The following FMR1NB variants were observed in gnomAD, a reference collection of about 807,000 sequenced individuals.
The protein encoded by FMR1NB is FMR1 neighbor.
In FMR1NB, 10 loss-of-function variants were observed where a neutral mutation model predicts 16.8. The ratio of observed to expected loss-of-function variants is 0.60; its 90% CI spans 0.37 to 1.01. FMR1NB has a LOEUF of 1.01. FMR1NB is among the 50% of genes least tolerant of loss of function. FMR1NB has a pLI of 0.01. For missense variants in FMR1NB, 205 were observed against 204.8 expected (o/e 1.00, Z 0.00); for synonymous variants, 83 against 79.1 (o/e 1.05, Z -0.26).
chrX:148,025,115 C>A, intron 5 of FMR1NB, 102 bp downstream of exon 5: 1 of 929,962 alleles, frequency 1.1e-6, no homozygotes, highest in Non-Finnish European at 1.5e-6. Context: ...TTTTTTTTAA[C>A]CACACAAATG....
chrX:148,013,778 A>C lies in FMR1NB; in HGVS notation c.632+5067A>C, dbSNP rs781876001. On this transcript the variant is annotated intron_variant, in intron 4 of 5. Transcript: ENST00000370467. Reference sequence around the variant, plus strand: ...GATGTTTTATCAGCACCTCAAATGCAATATGTGAAAAAGTGAACTCATTTT... The same window carrying C: ...GATGTTTTATCAGCACCTCAAATGCCATATGTGAAAAAGTGAACTCATTTT... Among the ~76,000 whole-genome samples, 252 of 111,847 alleles carry C rather than the reference A, an allele frequency of 2.3e-3. 4 individuals carry two copies. Among genetic ancestry groups the C allele is most frequent in the African/African-American group, 6.6e-3 (202 of 30,801 alleles).
chrX:147,989,522 C>T (rs975737810), intron 1 of FMR1NB, among the ~76,000 whole-genome samples: 1 of 112,041 alleles, frequency 8.9e-6, no homozygotes, highest in Non-Finnish European at 1.9e-5. Flanking sequence ...TAGCAGAGCT[C>T]GAGTGCTGTG....
intron 1 of FMR1NB, among the ~76,000 whole-genome samples, chrX:147,999,533 CT>C (rs5904216): frequency 3.3e-4 from 35 of 104,615 alleles, no homozygotes; most frequent in Non-Finnish European, 3.7e-4. Context: ...TACTTCTAGT[CT>C]TTTTTTTTTT....
intron 1 of FMR1NB, among the ~76,000 whole-genome samples, chrX:147,990,049 A>C (rs2044496473): frequency 9.1e-6 from 1 of 109,797 alleles, no homozygotes; most frequent in Admixed American, 9.7e-5. Flanking sequence ...GAAAAAAAAA[A>C]AAAAAACAAA....
chrX:147,992,259 C>G (rs1424574962), intron 1 of FMR1NB, among the ~76,000 whole-genome samples: 1 of 95,123 alleles, frequency 1.1e-5, no homozygotes, highest in Non-Finnish European at 2.1e-5. Flanking sequence ...CCCTCACCTC[C>G]CGGACGGGGC....
At chrX:147,993,271 C>T (rs1003594570) in intron 1 of FMR1NB, among the ~76,000 whole-genome samples, 28 of 112,258 alleles carry the variant, frequency 2.5e-4, no homozygotes, top group African/African-American at 7.7e-4. Flanking sequence ...TCAGGCGTGG[C>T]GGCGCGTGCC....
intron 1 of FMR1NB, among the ~76,000 whole-genome samples, chrX:147,996,560 A>G (rs1419874103): frequency 9.2e-6 from 1 of 108,914 alleles, no homozygotes; most frequent in African/African-American, 3.3e-5. Context: ...TCAGTTTCTC[A>G]TCTATTAGAC....
At position 147,994,151 on chromosome X, in the gene FMR1NB, A is replaced by T. The variant is rs782647687; in HGVS notation, c.278-9050A>T. ...CAGACCCAAGCCCAAAGACTTCAGC[A>T]TCCCCACCTCTAATCCCAAGGGCTT... On this transcript the variant is annotated intron_variant, in intron 1 of 5. Coordinates refer to ENST00000370467, the MANE Select transcript of FMR1NB (RefSeq NM_152578.3). Among the ~76,000 whole-genome samples, 4 of 111,518 alleles carry T rather than the reference A, an allele frequency of 3.6e-5. No individual in the cohort carries two copies. The South Asian group carries it at 1.5e-3, about 42-fold the overall frequency.
chrX:148,019,975 T>C (rs2044670539), intron 4 of FMR1NB, among the ~76,000 whole-genome samples: 1 of 112,400 alleles, frequency 8.9e-6, no homozygotes, highest in Non-Finnish European at 1.9e-5. Flanking sequence ...CAGCCAGCCT[T>C]GTATCCTTCC....
intron 1 of FMR1NB, among the ~76,000 whole-genome samples, chrX:147,998,777 A>T (rs2044556142): frequency 1.8e-5 from 2 of 112,321 alleles, no homozygotes; most frequent in African/African-American, 3.2e-5. Context: ...ATTCTTATGT[A>T]CTACTAGTGA....
At position 147,981,546 on chromosome X, in the gene FMR1NB, C is replaced by A; in HGVS notation, c.144C>A (p.Ala48=). The change falls in exon 1 of 6, where the codon GCC becomes GCA. Residue 48 remains alanine (A), a synonymous_variant. Transcript: ENST00000370467. ...GCAGCCATCCTGGATACGAGGCCGC[C>A]ATGGCTGACAGGCCTCAGCCAGGAT... ...PESSHPGYEA[A]MADRPQPGWR... 1 of 1,211,973 alleles carries A rather than the reference C, an allele frequency of 8.3e-7. No individual in the cohort carries two copies. Among genetic ancestry groups the A allele is most frequent in the Non-Finnish European group, 1.1e-6 (1 of 895,517 alleles).
chrX:147,984,589 T>C (rs2044467108), intron 1 of FMR1NB, among the ~76,000 whole-genome samples: 1 of 112,329 alleles, frequency 8.9e-6, no homozygotes, highest in Non-Finnish European at 1.9e-5. Flanking sequence ...GAAATTAATT[T>C]ATTAGCTCTA....
At chrX:148,023,854 G>T (rs1046596603) in intron 4 of FMR1NB, among the ~76,000 whole-genome samples, 2 of 111,363 alleles carry the variant, frequency 1.8e-5, no homozygotes, top group African/African-American at 6.5e-5. Flanking sequence ...AATGAGACAG[G>T]TTAGTGTAGT....
Position 147,981,451 on chromosome X carries a change from C to G in FMR1NB, c.49C>G (p.Arg17Gly), listed in dbSNP as rs782607537. 1 of 1,211,294 alleles carries G rather than the reference C, an allele frequency of 8.3e-7. No individual in the cohort carries two copies. Among genetic ancestry groups the G allele is most frequent in the Non-Finnish European group, 1.1e-6 (1 of 895,383 alleles). ...GAAGGGGAGGAATAGGAGAAGTCAC[C>G]GTGCCATGCGTGTGGCTCACTTAGA... ...KAKGRNRRSH[R>G]AMRVAHLELA... The change falls in exon 1 of 6, where the codon CGT becomes GGT. Residue 17 changes from arginine (R) to glycine (G), a missense_variant. Physicochemically the swap from Arg to Gly is moderately radical, Grantham distance 125. Coordinates refer to ENST00000370467, the MANE Select transcript of FMR1NB (RefSeq NM_152578.3).
chrX:147,983,981 G>A (rs1557186873), intron 1 of FMR1NB, among the ~76,000 whole-genome samples: 1 of 111,705 alleles, frequency 9.0e-6, no homozygotes, highest in East Asian at 2.8e-4. Flanking sequence ...ACTTGTTGAA[G>A]AGACGATTTT....
At chrX:148,023,324 C>T (rs1243574406) in intron 4 of FMR1NB, among the ~76,000 whole-genome samples, 2 of 111,753 alleles carry the variant, frequency 1.8e-5, no homozygotes, top group African/African-American at 6.5e-5. Context: ...TTCACCATTT[C>T]ATTTATGCCC....
chrX:147,994,601 A>C (rs992404300), intron 1 of FMR1NB, among the ~76,000 whole-genome samples: 18 of 112,026 alleles, frequency 1.6e-4, no homozygotes, highest in African/African-American at 5.8e-4. Context: ...AAAACTATAA[A>C]TTGTGTATTT....
intron 3 of FMR1NB, 127 bp downstream of exon 3, chrX:148,006,969 T>C (rs1603081542): frequency 1.4e-6 from 1 of 732,344 alleles, no homozygotes; most frequent in East Asian, 3.6e-5. Flanking sequence ...AGAGCGGTGC[T>C]CCTTAGAAGG....
intron 1 of FMR1NB, among the ~76,000 whole-genome samples, chrX:148,000,493 A>C (rs1603078026): frequency 8.9e-6 from 1 of 112,427 alleles, no homozygotes; most frequent in African/African-American, 3.2e-5. Flanking sequence ...GGAATGTTGA[A>C]TCATGAATCC....
Sources: gnomAD v4.1 joint callset for allele counts (sites outside exome capture counted in the v4.1 genomes callset) on GRCh38, gnomAD v4.1.1 for gene constraint, MANE v1.5 for transcripts, NCBI Gene and HGNC (gene_info 2026-07-23, HGNC 2026-07-21) for gene names.